Variants in ATP8B1 observed in about 807,000 individuals in gnomAD.
ATP8B1 encodes phospholipid-transporting ATPase IC.
Under a neutral mutation model 149.9 loss-of-function variants are expected in ATP8B1, and 80 were observed. The ratio of observed to expected loss-of-function variants is 0.53; its 90% CI spans 0.45 to 0.64. The LOEUF is 0.64. ATP8B1 is among the 30% of genes least tolerant of loss of function. The pLI is 0.00. For missense variants in ATP8B1, 1,247 were observed against 1,552.6 expected (o/e 0.80, Z 3.31); for synonymous variants, 536 against 562.8 (o/e 0.95, Z 0.67).
chr18:57,778,132 C>A (rs533087418), intron 1 of ATP8B1, among the ~76,000 whole-genome samples: 8 of 152,274 alleles, frequency 5.3e-5, no homozygotes, highest in African/African-American at 1.9e-4. Context: ...TAAATCTTTG[C>A]CCTTGTATTA....
intron 13 of ATP8B1, among the ~76,000 whole-genome samples, chr18:57,687,360 AC>A (rs1348040495): frequency 6.6e-6 from 1 of 152,200 alleles, no homozygotes; most frequent in Non-Finnish European, 1.5e-5. Flanking sequence ...TGACTGGCTT[AC>A]TTCACTTAGC....
In ATP8B1 at chr18:57,661,447, C is replaced by G. The variant is rs773143911; in HGVS notation, c.2434G>C (p.Glu812Gln). Residue 812 changes from glutamate (E) to glutamine (Q), a missense_variant, in exon 22 of 28, where the codon GAG becomes CAG. By Grantham distance (29) the Glu-to-Gln change is conservative. Around this residue, in one of 3 missense-constraint regions of ATP8B1, gnomAD observed 853 missense variants for 1,035.7 expected, o/e 0.82. Coordinates refer to ENST00000648908, the MANE Select transcript of ATP8B1 (RefSeq NM_001374385.1). ...TGSWLNEILLEKKTKRNKILK... is the reference protein window; with the variant it reads ...TGSWLNEILLQKKTKRNKILK... ...ATCTTATTTCTCTTGGTCTTTTTCT[C>G]GAGAAGAATTTCATTCTGTGAAATC... 1 of 1,613,172 alleles carries G rather than the reference C, an allele frequency of 6.2e-7. No homozygotes were observed. Among genetic ancestry groups the G allele is most frequent in the Non-Finnish European group, 8.5e-7 (1 of 1,179,746 alleles).
chr18:57,760,955 C>T (rs977230510), intron 1 of ATP8B1, among the ~76,000 whole-genome samples: 3 of 151,594 alleles, frequency 2.0e-5, no homozygotes, highest in African/African-American at 7.3e-5. Context: ...CACCACCGCC[C>T]TCCAGCCTGG....
At chr18:57,736,110 G>A (rs999343736) in intron 1 of ATP8B1, among the ~76,000 whole-genome samples, 1 of 152,034 alleles carries the variant, frequency 6.6e-6, no homozygotes, top group Non-Finnish European at 1.5e-5. Flanking sequence ...TGCTGAGAAA[G>A]ATGGCTTCCA....
chr18:57,662,690 TA>T (rs547469444), intron 20 of ATP8B1, 75 bp from the exon 21 acceptor site: 79 of 1,519,676 alleles, frequency 5.2e-5, no homozygotes, highest in Admixed American at 1.4e-4. Flanking sequence ...AACTTTGACT[TA>T]AAAAAAATTG....
At chr18:57,696,121 T>C (rs1410606330) in intron 8 of ATP8B1, among the ~76,000 whole-genome samples, 2 of 152,202 alleles carry the variant, frequency 1.3e-5, no homozygotes, top group African/African-American at 4.8e-5. Context: ...AGGCTTTATA[T>C]AGGATTCACG....
chr18:57,650,344 G>C (rs1250423508), intron 27 of ATP8B1, 23 bp downstream of exon 27: 1 of 1,610,196 alleles, frequency 6.2e-7, no homozygotes, highest in Admixed American at 1.7e-5. Flanking sequence ...GACAGAGTTG[G>C]GAAAGGACTA....
intron 6 of ATP8B1, among the ~76,000 whole-genome samples, chr18:57,699,100 C>G (rs1340428172): frequency 6.6e-6 from 1 of 152,182 alleles, no homozygotes; most frequent in Non-Finnish European, 1.5e-5. Context: ...CAGGAGGCTT[C>G]AGGCAGAACT....
rs561272312 is a variant in ATP8B1, at chr18:57,725,864, T to C, written c.181+5763A>G. Among the ~76,000 whole-genome samples, 18 of 152,354 alleles carry C rather than the reference T, an allele frequency of 1.2e-4. 1 individual carries two copies. The highest frequency in any genetic ancestry group is 3.8e-4 in the African/African-American group (16 of 41,604). ...TGAAAGTAGACCCCATCTCTTGTCATATGCAAAAATTGAATCAAAATGGAT... is the reference window on the plus strand; with the variant it reads ...TGAAAGTAGACCCCATCTCTTGTCACATGCAAAAATTGAATCAAAATGGAT... On this transcript the variant is annotated intron_variant, in intron 2 of 27. Transcript: ENST00000648908.
intron 22 of ATP8B1, among the ~76,000 whole-genome samples, chr18:57,660,769 G>A (rs1030085707): frequency 5.9e-5 from 9 of 152,180 alleles, no homozygotes; most frequent in African/African-American, 1.7e-4. Flanking sequence ...CACCTGCCTC[G>A]GCTTCCCAAA....
intron 15 of ATP8B1, among the ~76,000 whole-genome samples, chr18:57,680,412 C>G (rs1218161): frequency 0.4 from 60,023 of 149,386 alleles, 12,439 homozygotes; most frequent in East Asian, 0.66. Flanking sequence ...ATGGAGAAAC[C>G]CCATCTCTAT....
At chr18:57,670,950 A>G (rs1330657103) in intron 17 of ATP8B1, among the ~76,000 whole-genome samples, 1 of 151,918 alleles carries the variant, frequency 6.6e-6, no homozygotes, top group East Asian at 1.9e-4. Flanking sequence ...CTCAGGTGAT[A>G]CACCCGCCTT....
chr18:57,789,908 C>A lies in ATP8B1; in HGVS notation c.-26+13090G>T, dbSNP rs187453116. 4.5e-4 allele frequency among the ~76,000 whole-genome samples: 68 copies of A among 152,266 alleles called. 2 individuals carry two copies. The South Asian group carries it at 9.5e-3, about 21-fold the overall frequency. On this transcript the variant is annotated intron_variant, in intron 1 of 27. Coordinates refer to ENST00000648908, the MANE Select transcript of ATP8B1 (RefSeq NM_001374385.1). ...AGCATCCCCAAACAGCTCCTTAAACCCAATCCTATGTTGCAATTCCCAAAA... is the reference window on the plus strand; with the variant it reads ...AGCATCCCCAAACAGCTCCTTAAACACAATCCTATGTTGCAATTCCCAAAA...
At chr18:57,718,103 TAAA>T (rs59629558) in intron 2 of ATP8B1, among the ~76,000 whole-genome samples, 600 of 31,782 alleles carry the variant, frequency 0.019, 3 homozygotes, top group African/African-American at 0.073. Context: ...CTGGACTAAC[TAAA>T]AAAAAAAAAA....
At chr18:57,721,181 G>A (rs2079642550) in intron 2 of ATP8B1, among the ~76,000 whole-genome samples, 1 of 129,114 alleles carries the variant, frequency 7.7e-6, no homozygotes, top group East Asian at 2.4e-4. Flanking sequence ...GGAAGAAACT[G>A]CATCAACTAA....
intron 1 of ATP8B1, among the ~76,000 whole-genome samples, chr18:57,754,048 T>C (rs1041057502): frequency 4.2e-5 from 6 of 142,116 alleles, no homozygotes. Flanking sequence ...GCCACTCCAT[T>C]TGCATTGGAC....
At chr18:57,718,709 T>C (rs1477992358) in intron 2 of ATP8B1, among the ~76,000 whole-genome samples, 2 of 152,212 alleles carry the variant, frequency 1.3e-5, no homozygotes, top group East Asian at 1.9e-4. Flanking sequence ...ATGCAAAGAT[T>C]GTTCAACATA....
intron 16 of ATP8B1, among the ~76,000 whole-genome samples, chr18:57,673,038 A>AAT (rs1308491095): frequency 9.7e-6 from 1 of 103,246 alleles, no homozygotes; most frequent in Non-Finnish European, 2.4e-5. Flanking sequence ...TATATATATA[A>AAT]ATATAAATGT....
chr18:57,771,414 T>G (rs1293984183), intron 1 of ATP8B1, among the ~76,000 whole-genome samples: 1 of 151,522 alleles, frequency 6.6e-6, no homozygotes, highest in African/African-American at 2.4e-5. Flanking sequence ...GGCAATTCCC[T>G]TACTTCCTGA....
Sources: allele counts gnomAD v4.1 joint callset (sites outside exome capture counted in the v4.1 genomes callset), GRCh38; gene constraint gnomAD v4.1.1; regional missense constraint gnomAD v4.1.1; transcripts MANE v1.5; gene names NCBI Gene and HGNC (gene_info 2026-07-23, HGNC 2026-07-21).